GALNT17: variants seen among roughly 807,000 people sequenced by gnomAD.
GALNT17 encodes polypeptide N-acetylgalactosaminyltransferase 17, also known as UDP-GalNAc:polypeptide N-acetylgalactosaminyltransferase-like 3.
GALNT17 carries 29 observed loss-of-function variants against 63.7 expected under a neutral mutation model. The observed-to-expected ratio is 0.46, with a 90% CI of 0.34 to 0.62. The LOEUF (loss-of-function observed/expected upper bound fraction) is 0.62. Among genes scored for constraint, GALNT17 ranks in the 20% least tolerant of loss-of-function variants. The pLI is 0.01. For missense variants in GALNT17, 603 were observed against 799.6 expected, an observed-to-expected ratio of 0.75 and a Z score of 2.97; for synonymous variants, 305 against 318.3, an observed-to-expected ratio of 0.96 and a Z score of 0.45.
At chr7:71,165,548 C>T (rs1416454902) in intron 1 of GALNT17, among the ~76,000 whole-genome samples, 1 of 152,132 alleles carries the variant, frequency 6.6e-6, no homozygotes, top group Non-Finnish European at 1.5e-5. Context: ...CTCACTGTCA[C>T]GACAATAGCA....
intron 1 of GALNT17, among the ~76,000 whole-genome samples, chr7:71,162,021 CTTCT>C (rs1333744536): frequency 1.4e-5 from 2 of 147,482 alleles, no homozygotes; most frequent in Admixed American, 6.8e-5. Flanking sequence ...TCCTTCCTTC[CTTCT>C]TTCTCTTTCC....
chr7:71,188,548 C>G (rs1469750940), intron 1 of GALNT17, among the ~76,000 whole-genome samples: 1 of 152,100 alleles, frequency 6.6e-6, no homozygotes, highest in Non-Finnish European at 1.5e-5. Context: ...ATTGCCTATT[C>G]ATGTCCTTAG....
intron 2 of GALNT17, among the ~76,000 whole-genome samples, chr7:71,375,549 G>C (rs1792706228): frequency 6.6e-6 from 1 of 152,116 alleles, no homozygotes; most frequent in Admixed American, 6.5e-5. Context: ...CAGGTGAGTA[G>C]CTAAGACTAC....
At chr7:71,271,205 C>T (rs1274605125) in intron 1 of GALNT17, among the ~76,000 whole-genome samples, 2 of 152,198 alleles carry the variant, frequency 1.3e-5, no homozygotes, top group African/African-American at 2.4e-5. Context: ...TTGGGTGCTG[C>T]ATATTTTCTT....
intron 5 of GALNT17, among the ~76,000 whole-genome samples, chr7:71,478,334 C>T (rs796337143): frequency 2.0e-5 from 3 of 152,172 alleles, no homozygotes; most frequent in African/African-American, 7.2e-5. Context: ...TGTTCTGAGA[C>T]AGTGTCTCAC....
intron 3 of GALNT17, among the ~76,000 whole-genome samples, chr7:71,407,262 G>A (rs941904867): frequency 2.6e-5 from 4 of 152,166 alleles, no homozygotes; most frequent in African/African-American, 7.2e-5. Context: ...GGAAACCCAT[G>A]GAACAAGCTA....
intron 1 of GALNT17, among the ~76,000 whole-genome samples, chr7:71,250,935 T>C (rs1790186233): frequency 6.6e-6 from 1 of 152,250 alleles, no homozygotes; most frequent in Non-Finnish European, 1.5e-5. Flanking sequence ...ATTTAGTTTA[T>C]TGCCAGATTA....
rs186905861 is a variant in GALNT17, at chr7:71,380,138, C to A, written c.423-8097C>A. Among the ~76,000 whole-genome samples the A allele has an allele frequency of 1.2e-4, 18 of 152,090 alleles. No homozygotes were observed. In the East Asian group the frequency reaches 3.5e-3, roughly 30 times the overall value. ...GGTTGGGAAGGTCCCTCCATTCTGG[C>A]CACGTAGAGTAGATGTCACTGGAAA... On this transcript the variant is annotated intron_variant, in intron 2 of 10. Transcript: ENST00000333538.
chr7:71,364,042 G>C (rs575433122), intron 2 of GALNT17, among the ~76,000 whole-genome samples: 1 of 152,186 alleles, frequency 6.6e-6, no homozygotes, highest in African/African-American at 2.4e-5. Flanking sequence ...TAAGTTATTG[G>C]GGTACAGGTG....
At chr7:71,225,156 A>C (rs1212050914) in intron 1 of GALNT17, among the ~76,000 whole-genome samples, 1 of 151,918 alleles carries the variant, frequency 6.6e-6, no homozygotes, top group African/African-American at 2.4e-5. Flanking sequence ...TTTAGTAGAG[A>C]TGGGGTTTCG....
At chr7:71,699,467 C>A (rs1437340599) in intron 9 of GALNT17, among the ~76,000 whole-genome samples, 3 of 139,006 alleles carry the variant, frequency 2.2e-5, no homozygotes. Context: ...CAGAGTGAGA[C>A]TCTGTCTCAA....
intron 3 of GALNT17, among the ~76,000 whole-genome samples, chr7:71,409,821 C>G (rs1404880671): frequency 8.5e-5 from 13 of 152,160 alleles, no homozygotes; most frequent in Non-Finnish European, 1.9e-4. Flanking sequence ...AAGAGATCCT[C>G]AAATCCACCT....
chr7:71,686,193 G>C (rs2117085772), intron 9 of GALNT17, among the ~76,000 whole-genome samples: 1 of 152,124 alleles, frequency 6.6e-6, no homozygotes, highest in African/African-American at 2.4e-5. Flanking sequence ...GACCTCAGGT[G>C]ATCCGCCTGC....
intron 1 of GALNT17, among the ~76,000 whole-genome samples, chr7:71,269,326 G>A (rs1445479392): frequency 6.6e-6 from 1 of 152,170 alleles, no homozygotes; most frequent in Admixed American, 6.5e-5. Flanking sequence ...AATAAGCTGG[G>A]CATGGTGGTG....
In GALNT17 at chr7:71,596,834, C is replaced by T. The variant is rs909816338; in HGVS notation, c.1080+25432C>T. ...TAAGGGACCCTAGCAACACTCAGGA[C>T]ATGAGTTTGGGCTGGAGGAGACCCA... On this transcript the variant is annotated intron_variant, in intron 6 of 10. Coordinates refer to ENST00000333538, the MANE Select transcript of GALNT17 (RefSeq NM_022479.3). Among the ~76,000 whole-genome samples, 65 of 152,104 alleles carry T rather than the reference C, an allele frequency of 4.3e-4. 1 individual carries two copies. The highest frequency in any genetic ancestry group is 1.5e-3 in the African/African-American group (61 of 41,370).
intron 1 of GALNT17, among the ~76,000 whole-genome samples, chr7:71,145,546 G>A (rs1182732262): frequency 6.6e-6 from 1 of 152,162 alleles, no homozygotes; most frequent in Non-Finnish European, 1.5e-5. Context: ...GGGTCTACAT[G>A]ATTCTAGGAC....
chr7:71,335,287 A>G (rs1329955492), intron 1 of GALNT17, among the ~76,000 whole-genome samples: 1 of 152,090 alleles, frequency 6.6e-6, no homozygotes, highest in Non-Finnish European at 1.5e-5. Flanking sequence ...GTGCACCACG[A>G]CGCCCAGCTA....
chr7:71,465,979 G>C (rs1025019828), intron 5 of GALNT17, among the ~76,000 whole-genome samples: 1 of 152,076 alleles, frequency 6.6e-6, no homozygotes, highest in African/African-American at 2.4e-5. Context: ...ACTTTTAAAG[G>C]TGTCAGACTC....
At chr7:71,348,482 A>G (rs915679046) in intron 2 of GALNT17, among the ~76,000 whole-genome samples, 3 of 152,158 alleles carry the variant, frequency 2.0e-5, no homozygotes, top group African/African-American at 7.2e-5. Context: ...ACAAGTTTCA[A>G]TGTCTTTCAT....
Sources: gnomAD v4.1 joint callset for allele counts (sites outside exome capture counted in the v4.1 genomes callset) on GRCh38, gnomAD v4.1.1 for gene constraint, MANE v1.5 for transcripts, NCBI Gene and HGNC (gene_info 2026-07-23, HGNC 2026-07-21) for gene names.